ARHGAP5: variants seen among roughly 807,000 people sequenced by gnomAD.
ARHGAP5 encodes rho GTPase-activating protein 5.
ARHGAP5 carries 23 observed loss-of-function variants against 116.6 expected under a neutral mutation model. The ratio of observed to expected loss-of-function variants is 0.20; its 90% CI spans 0.14 to 0.28. The LOEUF (loss-of-function observed/expected upper bound fraction) is 0.28, where lower values mean the gene tolerates loss of function less well. ARHGAP5 is among the 10% of genes least tolerant of loss of function. The probability of loss-of-function intolerance (pLI) is 1.00; values close to 1 mark genes in which losing one functional copy is unlikely to be tolerated. For missense variants in ARHGAP5, 1,405 were observed against 1,774.8 expected (o/e 0.79, Z 3.74); for synonymous variants, 574 against 602.0 (o/e 0.95, Z 0.68).
Position 32,114,747 on chromosome 14 carries a change from GTATTTAAGA to G in ARHGAP5, c.3718-2379_3718-2371del, listed in dbSNP as rs536364570. ...CCTGAAATTGAAAGGATTTAATTAAGTATTTAAGATATTTAAGATATTCAGAGACTCAGA... is the reference window on the plus strand; with the variant it reads ...CCTGAAATTGAAAGGATTTAATTAAGTATTTAAGATATTCAGAGACTCAGA... On this transcript the variant is annotated intron_variant, in intron 2 of 6. Transcript: ENST00000345122. Among the ~76,000 whole-genome samples the G allele has an allele frequency of 2.9e-4, 44 of 152,244 alleles. 1 individual carries two copies. In the South Asian group the frequency reaches 8.7e-3, roughly 30 times the overall value.
intron 2 of ARHGAP5, among the ~76,000 whole-genome samples, chr14:32,105,584 A>G (rs1022132555): frequency 4.6e-5 from 7 of 152,112 alleles, no homozygotes; most frequent in African/African-American, 1.4e-4. Flanking sequence ...GGGTGTTGAC[A>G]TTAATATGAT....
intron 2 of ARHGAP5, among the ~76,000 whole-genome samples, chr14:32,112,361 C>T (rs1459340183): frequency 1.3e-5 from 2 of 152,098 alleles, no homozygotes; most frequent in African/African-American, 4.8e-5. Flanking sequence ...AGAGCAGTTT[C>T]TGGAAAGGGC....
At chr14:32,131,856 T>C (rs905095105) in intron 3 of ARHGAP5, among the ~76,000 whole-genome samples, 3 of 152,312 alleles carry the variant, frequency 2.0e-5, no homozygotes, top group African/African-American at 4.8e-5. Flanking sequence ...GTCCTTGCGA[T>C]AGTTTGCTGA....
At position 32,093,439 on chromosome 14, in the gene ARHGAP5, TATC is replaced by T; in HGVS notation, c.2774_2776del (p.His925del). The T allele has an allele frequency of 6.2e-7, 1 of 1,613,806 alleles. No individual in the cohort carries two copies. Among genetic ancestry groups the T allele is most frequent in the Non-Finnish European group, 8.5e-7 (1 of 1,179,876 alleles). ...TACAGCACTGTATTCTTTATCTCAG[TATC>T]ATCGGCAAACTGAGGTCTTTACTCT... is the stretch of plus-strand genomic sequence containing the variant. On this transcript the variant is annotated inframe_deletion, in exon 2 of 7. Coordinates refer to ENST00000345122, the MANE Select transcript of ARHGAP5 (RefSeq NM_001030055.2).
intron 3 of ARHGAP5, among the ~76,000 whole-genome samples, chr14:32,136,499 C>T (rs899991300): frequency 6.6e-6 from 1 of 152,030 alleles, no homozygotes; most frequent in African/African-American, 2.4e-5. Context: ...CACATTTAGC[C>T]GTTTATTCAT....
At chr14:32,094,619 TTTTTC>T (rs1240282682) in intron 2 of ARHGAP5, among the ~76,000 whole-genome samples, 1 of 152,154 alleles carries the variant, frequency 6.6e-6, no homozygotes, top group Non-Finnish European at 1.5e-5. Context: ...GTGAATGTGT[TTTTTC>T]TTTTTACAGA....
At position 32,155,481 on chromosome 14, in the gene ARHGAP5, A is replaced by G. The variant is rs1336424481; in HGVS notation, c.*533A>G. ...GGATGTTGTTTGAAAGAAAGAAAAA[A>G]TACACTTGACATATTTCACATTTCT... On this transcript the variant is annotated 3_prime_UTR_variant, in exon 7 of 7. Transcript: ENST00000345122. 6.5e-6 allele frequency: 1 copy of G among 153,074 alleles called. No individual in the cohort carries two copies. Among genetic ancestry groups the G allele is most frequent in the Non-Finnish European group, 1.5e-5 (1 of 68,348 alleles). The allele number at this position is 153,074 out of a possible 1,614,324, so 9.5% of individuals were successfully genotyped here.
intron 3 of ARHGAP5, among the ~76,000 whole-genome samples, chr14:32,143,403 T>C (rs1881231861): frequency 6.6e-6 from 1 of 152,072 alleles, no homozygotes; most frequent in Admixed American, 6.5e-5. Flanking sequence ...CCACCACGCC[T>C]GGCTAATTTT....
intron 3 of ARHGAP5, among the ~76,000 whole-genome samples, chr14:32,125,825 G>C (rs977459149): frequency 4.6e-5 from 7 of 152,066 alleles, no homozygotes; most frequent in African/African-American, 1.7e-4. Flanking sequence ...GTAGTTTTCA[G>C]TGTTCAAGTC....
chr14:32,131,249 CTTCT>C (rs1368701960), intron 3 of ARHGAP5, among the ~76,000 whole-genome samples: 17 of 133,762 alleles, frequency 1.3e-4, no homozygotes, highest in Admixed American at 2.2e-4. Context: ...TCTTGTCATA[CTTCT>C]TTTTTTTTTT....
At chr14:32,128,197 G>A (rs1309288547) in intron 3 of ARHGAP5, among the ~76,000 whole-genome samples, 1 of 151,890 alleles carries the variant, frequency 6.6e-6, no homozygotes, top group East Asian at 1.9e-4. Context: ...TCACTTCCCA[G>A]ACTGGGCGGC....
intron 3 of ARHGAP5, among the ~76,000 whole-genome samples, chr14:32,125,622 T>C (rs965802604): frequency 6.6e-6 from 1 of 152,266 alleles, no homozygotes; most frequent in African/African-American, 2.4e-5. Flanking sequence ...AATTTCTCCA[T>C]GTTGTTGCCA....
At chr14:32,084,443 C>T (rs956069346) in intron 1 of ARHGAP5, among the ~76,000 whole-genome samples, 2 of 152,108 alleles carry the variant, frequency 1.3e-5, no homozygotes, top group African/African-American at 4.8e-5. Flanking sequence ...CAAAGCAGTA[C>T]ATAATTTTTG....
At chr14:32,132,201 A>G (rs1344081099) in intron 3 of ARHGAP5, among the ~76,000 whole-genome samples, 1 of 152,210 alleles carries the variant, frequency 6.6e-6, no homozygotes, top group Admixed American at 6.5e-5. Context: ...AGTCCCACCA[A>G]CAGTGTAAAA....
intron 3 of ARHGAP5, among the ~76,000 whole-genome samples, chr14:32,126,898 C>T (rs985428807): frequency 4.6e-5 from 7 of 151,170 alleles, no homozygotes; most frequent in Non-Finnish European, 1.0e-4. Flanking sequence ...TATGAATGTA[C>T]TTAATACCAC....
At chr14:32,078,769 T>TA (rs1434352737) in intron 1 of ARHGAP5, among the ~76,000 whole-genome samples, 1 of 152,200 alleles carries the variant, frequency 6.6e-6, no homozygotes, top group Non-Finnish European at 1.5e-5. Flanking sequence ...AAATTTCATC[T>TA]AGATGCAGCG....
intron 5 of ARHGAP5, among the ~76,000 whole-genome samples, chr14:32,151,002 G>GC (rs1415338933): frequency 6.6e-6 from 1 of 152,120 alleles, no homozygotes; most frequent in Non-Finnish European, 1.5e-5. Context: ...CCTTTTGGTT[G>GC]CAAGTCTTCA....
At chr14:32,089,494 A>C (rs2041863261) in intron 1 of ARHGAP5, among the ~76,000 whole-genome samples, 1 of 151,950 alleles carries the variant, frequency 6.6e-6, no homozygotes, top group South Asian at 2.1e-4. Context: ...ATCTCTAAAA[A>C]CTTTTTTAAA....
chr14:32,094,218 T>G lies in ARHGAP5; in HGVS notation c.3549T>G (p.Thr1183=). Residue 1183 remains threonine (T), a synonymous_variant, in exon 2 of 7, where the codon ACT becomes ACG. Transcript: ENST00000345122. ...SDASDDEAFT[T]SKTKRKGRHR... ...CCAGTGATGATGAGGCTTTCACCAC[T>G]TCTAAAACAAAAAGAAAAGGAAGAC... is the stretch of plus-strand genomic sequence containing the variant. The G allele has an allele frequency of 6.2e-7, 1 of 1,612,932 alleles. No individual in the cohort carries two copies. The highest frequency in any genetic ancestry group is 1.1e-5 in the South Asian group (1 of 90,772).
Sources: allele counts gnomAD v4.1 joint callset (sites outside exome capture counted in the v4.1 genomes callset), GRCh38; gene constraint gnomAD v4.1.1; transcripts MANE v1.5; gene names NCBI Gene and HGNC (gene_info 2026-07-23, HGNC 2026-07-21).